Variants in VPS53 observed in about 807,000 individuals in gnomAD.
VPS53 encodes vacuolar protein sorting-associated protein 53 homolog.
VPS53 carries 70 observed loss-of-function variants against 107.0 expected under a neutral mutation model. The observed-to-expected ratio is 0.65, with a 90% CI of 0.54 to 0.80. VPS53 has a LOEUF of 0.80. VPS53 is among the 30% of genes least tolerant of loss of function. VPS53 has a pLI of 0.00. For synonymous variants in VPS53, 409 were observed against 393.3 expected (o/e 1.04, Z -0.47); for missense variants, 917 against 1,049.4 (o/e 0.87, Z 1.74).
rs1459244672 is a variant in VPS53, at chr17:512,550, G to A, written c.*6578C>T. On this transcript the variant is annotated 3_prime_UTR_variant, in exon 22 of 22. Coordinates refer to ENST00000437048, the MANE Select transcript of VPS53 (RefSeq NM_001128159.3). ...GAGAAGGAAGGAGCTGGCAGGCAAT[G>A]CCCTTCCAGGTGGGCTACAGGGAAG... 2 of 152,242 alleles carry A rather than the reference G, an allele frequency of 1.3e-5. No homozygotes were observed. The highest frequency in any genetic ancestry group is 2.9e-5 in the Non-Finnish European group (2 of 68,048). The allele number at this position is 152,242 out of a possible 1,614,324, so 9.4% of individuals were successfully genotyped here. A position where few individuals can be genotyped will look rare whatever the true frequency, so the allele number is the denominator to read the frequency against.
At chr17:536,863 T>TGG in intron 18 of VPS53, 165 bp downstream of exon 18, 2 of 786,848 alleles carry the variant, frequency 2.5e-6, no homozygotes, top group Non-Finnish European at 3.9e-6. Flanking sequence ...ACTTTGTGTG[T>TGG]GGGGAGGTGT....
At position 519,810 on chromosome 17, in the gene VPS53, A is replaced by C; in HGVS notation, c.2328+16T>G. On this transcript the variant is annotated intron_variant, in intron 21 of 21. Transcript: ENST00000437048. The surrounding 1 kb of genome is among the most constrained non-coding windows in gnomAD (Gnocchi z 5.0). ...AGGGGGATGAGCAGGTGTGGACCAA[A>C]TGTCCCGGCACAAACCTTCATGTCC... The C allele has an allele frequency of 6.5e-7, 1 of 1,536,840 alleles. No homozygotes were observed. Among genetic ancestry groups the C allele is most frequent in the Non-Finnish European group, 8.8e-7 (1 of 1,133,460 alleles).
chr17:652,439 CTA>C (rs1970991574), intron 7 of VPS53, among the ~76,000 whole-genome samples: 1 of 152,188 alleles, frequency 6.6e-6, no homozygotes, highest in Non-Finnish European at 1.5e-5. Context: ...AGCCTTGTGA[CTA>C]TGGCAGAAGT....
chr17:665,090 G>T (rs78948070), intron 4 of VPS53, among the ~76,000 whole-genome samples: 2 of 152,280 alleles, frequency 1.3e-5, no homozygotes, highest in Non-Finnish European at 2.9e-5. Context: ...GGTGTTGGCA[G>T]GTGGGGCCTT....
At chr17:628,437 GA>G (rs1254289883) in intron 8 of VPS53, among the ~76,000 whole-genome samples, 3 of 152,228 alleles carry the variant, frequency 2.0e-5, no homozygotes, top group Non-Finnish European at 4.4e-5. Context: ...GCAAGCGACA[GA>G]AAAACTACCC....
In VPS53 at chr17:556,679, A is replaced by G. The variant is rs138081991; in HGVS notation, c.1705-3217T>C. ...GAGTGGGCTCTTTTATTCCTTCAAG[A>G]GATCTTTATTAAGCACTTATTACGT... On this transcript the variant is annotated intron_variant, in intron 15 of 21. Transcript: ENST00000437048. Among the ~76,000 whole-genome samples the G allele has an allele frequency of 7.2e-5, 11 of 152,244 alleles. No individual in the cohort carries two copies. The East Asian group carries it at 2.1e-3, about 29-fold the overall frequency.
intron 11 of VPS53, among the ~76,000 whole-genome samples, chr17:606,280 G>A (rs1296877011): frequency 3.9e-5 from 6 of 152,126 alleles, no homozygotes; most frequent in South Asian, 2.1e-4. Context: ...GGGCACCCTC[G>A]TGTAGTGGCA....
intron 5 of VPS53, among the ~76,000 whole-genome samples, chr17:656,500 G>A (rs773758706): frequency 2.0e-4 from 30 of 152,238 alleles, no homozygotes; most frequent in Admixed American, 4.6e-4. Flanking sequence ...TCTTCAGGGA[G>A]TGAGAAGGCA....
chr17:624,810 A>C, intron 10 of VPS53, among the ~76,000 whole-genome samples: 1 of 152,218 alleles, frequency 6.6e-6, no homozygotes, highest in East Asian at 1.9e-4. Flanking sequence ...TATTTTGTTA[A>C]TTGGGATTTA....
At chr17:712,367 G>A (rs1203576257) in intron 1 of VPS53, among the ~76,000 whole-genome samples, 1 of 150,902 alleles carries the variant, frequency 6.6e-6, no homozygotes, top group Non-Finnish European at 1.5e-5. Flanking sequence ...TTTTAGGAGA[G>A]ACGGGGTTTC....
chr17:604,955 G>A (rs1968496043), intron 11 of VPS53, among the ~76,000 whole-genome samples: 1 of 152,198 alleles, frequency 6.6e-6, no homozygotes, highest in Admixed American at 6.5e-5. Context: ...GTCTGCTGGG[G>A]GAGACAGCCT....
chr17:595,894 TCC>T, intron 12 of VPS53, among the ~76,000 whole-genome samples: 1 of 123,712 alleles, frequency 8.1e-6, no homozygotes, highest in African/African-American at 3.5e-5. Flanking sequence ...CACTCTAGTG[TCC>T]CCCTGGAGGA....
chr17:612,113 T>C (rs1373881755), intron 11 of VPS53, among the ~76,000 whole-genome samples: 2 of 151,552 alleles, frequency 1.3e-5, no homozygotes, highest in African/African-American at 4.9e-5. Context: ...CCTGTACAGA[T>C]ACTCACAGCA....
intron 8 of VPS53, among the ~76,000 whole-genome samples, chr17:628,775 C>T (rs1597401600): frequency 6.6e-6 from 1 of 152,184 alleles, no homozygotes; most frequent in Non-Finnish European, 1.5e-5. Flanking sequence ...ATGTGTTTCA[C>T]AATAGTGAAC....
chr17:541,966 A>C (rs1910721551), intron 17 of VPS53, among the ~76,000 whole-genome samples: 1 of 147,436 alleles, frequency 6.8e-6, no homozygotes, highest in Non-Finnish European at 1.5e-5. Flanking sequence ...GCGCTGAAGG[A>C]ATGTTTATCA....
intron 4 of VPS53, among the ~76,000 whole-genome samples, chr17:694,195 C>T (rs551766925): frequency 9.9e-5 from 15 of 152,126 alleles, no homozygotes; most frequent in South Asian, 4.1e-4. Flanking sequence ...TCTAAGGAGA[C>T]GAATACAAAG....
intron 4 of VPS53, among the ~76,000 whole-genome samples, 157 bp from the exon 5 acceptor site, chr17:662,052 T>C (rs1971457837): frequency 6.6e-6 from 1 of 152,212 alleles, no homozygotes; most frequent in South Asian, 2.1e-4. Flanking sequence ...AGTAGAGACC[T>C]ATAGAGTCCA....
intron 18 of VPS53, among the ~76,000 whole-genome samples, chr17:534,452 C>G (rs763078337): frequency 2.0e-5 from 3 of 152,054 alleles, no homozygotes; most frequent in South Asian, 2.1e-4. Context: ...AACTGGAGTC[C>G]GGAGATCGGA....
chr17:586,302 A>G lies in VPS53; in HGVS notation c.1281T>C (p.Pro427=). ...GGGATTCGATATACACGTAGAGATG[A>G]GGCTCAAAACACTTGGAAACAATGC... ...FHGIVSKCFE[P]HLYVYIESQD... Residue 427 remains proline, a synonymous_variant, in exon 13 of 22, where the codon CCT becomes CCC. Coordinates refer to ENST00000437048, the MANE Select transcript of VPS53 (RefSeq NM_001128159.3). 5 of 1,614,130 alleles carry G rather than the reference A, an allele frequency of 3.1e-6. No individual in the cohort carries two copies. The highest frequency in any genetic ancestry group is 4.2e-6 in the Non-Finnish European group (5 of 1,179,972).
Sources: allele counts gnomAD v4.1 joint callset (sites outside exome capture counted in the v4.1 genomes callset), GRCh38; gene constraint gnomAD v4.1.1; non-coding constraint Gnocchi (gnomAD v3.1); transcripts MANE v1.5; gene names NCBI Gene and HGNC (gene_info 2026-07-23, HGNC 2026-07-21).